The following GPC6 variants were observed in gnomAD, a reference collection of about 807,000 sequenced individuals.
The protein encoded by GPC6 is glypican-6.
In GPC6, 14 loss-of-function variants were observed where a neutral mutation model predicts 55.2. The observed-to-expected ratio is 0.25, with a 90% CI of 0.17 to 0.40. The LOEUF (loss-of-function observed/expected upper bound fraction) is 0.40, where lower values mean the gene tolerates loss of function less well. GPC6 is among the 10% of genes least tolerant of loss of function. The pLI is 1.00. For missense variants in GPC6, 641 were observed against 708.5 expected, an observed-to-expected ratio of 0.90 and a Z score of 1.08; for synonymous variants, 278 against 259.6, an observed-to-expected ratio of 1.07 and a Z score of -0.68.
intron 3 of GPC6, among the ~76,000 whole-genome samples, chr13:93,839,899 A>G (rs977861111): frequency 4.6e-5 from 7 of 152,126 alleles, no homozygotes; most frequent in Admixed American, 4.6e-4. Flanking sequence ...TAGCATCTAT[A>G]TTCATCGAGG....
At chr13:93,596,940 A>G (rs1877773829) in intron 2 of GPC6, among the ~76,000 whole-genome samples, 2 of 139,894 alleles carry the variant, frequency 1.4e-5, no homozygotes, top group Admixed American at 1.5e-4. Flanking sequence ...AGCTGATGGT[A>G]TGGTTCCAAA....
chr13:94,378,648 A>AT (rs887344548), intron 6 of GPC6, among the ~76,000 whole-genome samples: 4 of 152,190 alleles, frequency 2.6e-5, no homozygotes, highest in African/African-American at 9.6e-5. Context: ...AAGAGGGCTC[A>AT]TGTTTTTCCT....
chr13:93,458,066 T>C (rs1317940861), intron 1 of GPC6, among the ~76,000 whole-genome samples: 1 of 152,192 alleles, frequency 6.6e-6, no homozygotes, highest in East Asian at 1.9e-4. Context: ...GGATATACTA[T>C]GGCAATTCCC....
intron 3 of GPC6, among the ~76,000 whole-genome samples, chr13:93,852,773 C>A (rs1888449935): frequency 6.6e-6 from 1 of 151,608 alleles, no homozygotes; most frequent in Non-Finnish European, 1.5e-5. Flanking sequence ...AAAATTACAT[C>A]TCTTCTCTGT....
At chr13:93,479,779 A>G (rs111471129) in intron 1 of GPC6, among the ~76,000 whole-genome samples, 1 of 152,222 alleles carries the variant, frequency 6.6e-6, no homozygotes, top group African/African-American at 2.4e-5. Context: ...GGGGATCATT[A>G]TAAGAGAGAG....
chr13:93,533,352 C>A (rs1370370320), intron 1 of GPC6, among the ~76,000 whole-genome samples: 1 of 152,206 alleles, frequency 6.6e-6, no homozygotes, highest in Non-Finnish European at 1.5e-5. Flanking sequence ...AAGTATTTCA[C>A]TTCCCTCCAC....
intron 2 of GPC6, among the ~76,000 whole-genome samples, chr13:93,798,918 C>CAAAAAAAAAAA (rs57665046): frequency 1.2e-5 from 1 of 86,246 alleles, no homozygotes. Context: ...GACTCTGTCT[C>CAAAAAAAAAAA]AAAAAAAAAA....
intron 1 of GPC6, among the ~76,000 whole-genome samples, chr13:93,512,918 C>T (rs961474842): frequency 4.6e-5 from 7 of 151,982 alleles, no homozygotes; most frequent in Non-Finnish European, 1.0e-4. Flanking sequence ...ACTACTTTTT[C>T]TAAAGTATAT....
intron 1 of GPC6, among the ~76,000 whole-genome samples, chr13:93,456,655 T>G (rs1325326698): frequency 6.6e-6 from 1 of 152,100 alleles, no homozygotes; most frequent in Admixed American, 6.6e-5. Context: ...GTATGTCACC[T>G]GCCTGTCTCC....
rs567432305 is a variant in GPC6 at position 94,094,151 on chromosome 13, G to A, written c.877+66257G>A. Among the ~76,000 whole-genome samples the A allele has an allele frequency of 3.9e-5, 6 of 151,966 alleles. No individual in the cohort carries two copies. The East Asian group carries it at 1.2e-3, about 29-fold the overall frequency. ...CTGGATTTAGTCACAGAGATTGAGG[G>A]TGTTACTTTATTATGTCTAAAAAAA... On this transcript the variant is annotated intron_variant, in intron 4 of 8. Transcript: ENST00000377047.
intron 2 of GPC6, among the ~76,000 whole-genome samples, chr13:93,614,728 C>T (rs1878644255): frequency 6.6e-6 from 1 of 151,758 alleles, no homozygotes; most frequent in African/African-American, 2.4e-5. Flanking sequence ...GGAAAGGGTG[C>T]TATAGAAGAT....
chr13:93,662,993 C>A lies in GPC6; in HGVS notation c.319+117572C>A, dbSNP rs1017001253. Among the ~76,000 whole-genome samples the A allele has an allele frequency of 2.0e-5, 3 of 150,430 alleles. No individual in the cohort carries two copies. In the South Asian group the frequency reaches 6.3e-4, roughly 32 times the overall value. ...TGATTCTAATATACAGCCAGGATTG[C>A]GAATCACTGTGATAGAAAAATGACA... On this transcript the variant is annotated intron_variant, in intron 2 of 8. Transcript: ENST00000377047.
At chr13:93,374,234 G>A (rs1874791490) in intron 1 of GPC6, among the ~76,000 whole-genome samples, 1 of 152,176 alleles carries the variant, frequency 6.6e-6, no homozygotes, top group Non-Finnish European at 1.5e-5. Context: ...AAAGACTTTA[G>A]AAAACACCCA....
chr13:93,953,812 T>G (rs1879372719), intron 3 of GPC6, among the ~76,000 whole-genome samples: 2 of 152,204 alleles, frequency 1.3e-5, no homozygotes, highest in Middle Eastern at 3.2e-3. Context: ...TTGAGTCATA[T>G]TCTGTATTGA....
intron 6 of GPC6, among the ~76,000 whole-genome samples, chr13:94,332,182 C>G (rs1180496596): frequency 6.6e-6 from 1 of 152,096 alleles, no homozygotes. Context: ...TTCTTTTGGG[C>G]CCCTTTTCTC....
chr13:93,896,760 C>G (rs952515151), intron 3 of GPC6, among the ~76,000 whole-genome samples: 1 of 152,008 alleles, frequency 6.6e-6, no homozygotes, highest in African/African-American at 2.4e-5. Context: ...GCATCAGGTT[C>G]ATTTCATGTG....
chr13:93,393,127 T>TATAGAG lies in GPC6; in HGVS notation c.161-152135_161-152134insTAGAGA, dbSNP rs1230857277. ...TATTTGATATATATATATATATATA[T>TATAGAG]AGAGAGAGAGAGAGAGAGAGAGAGA... On this transcript the variant is annotated intron_variant, in intron 1 of 8. Coordinates refer to ENST00000377047, the MANE Select transcript of GPC6 (RefSeq NM_005708.5). 8.5e-3 allele frequency among the ~76,000 whole-genome samples: 742 copies of TATAGAG among 87,576 alleles called. 2 individuals are homozygous for TATAGAG. The highest frequency in any genetic ancestry group is 0.017 in the East Asian group (51 of 3,024). 57.5% of individuals were successfully genotyped at this position (87,576 alleles called of 152,430 possible).
Position 93,323,940 on chromosome 13 carries a change from G to A in GPC6, c.160+96324G>A, listed in dbSNP as rs141206828. Among the ~76,000 whole-genome samples the A allele has an allele frequency of 8.2e-3, 1,245 of 152,206 alleles. 14 individuals carry two copies. Among genetic ancestry groups the A allele is most frequent in the Admixed American group, 0.012 (189 of 15,282 alleles). ...TATGCTCCAGCAGTCCCACTGCTGG[G>A]TATATACCCAGAGGAAAGGAAACCA... On this transcript the variant is annotated intron_variant, in intron 1 of 8. Transcript: ENST00000377047.
At chr13:93,506,047 GT>G (rs1342303084) in intron 1 of GPC6, among the ~76,000 whole-genome samples, 1 of 152,116 alleles carries the variant, frequency 6.6e-6, no homozygotes, top group Non-Finnish European at 1.5e-5. Flanking sequence ...TGCTGCCGAG[GT>G]TATGTCCTGT....
Sources: gnomAD v4.1 joint callset for allele counts (sites outside exome capture counted in the v4.1 genomes callset) on GRCh38, gnomAD v4.1.1 for gene constraint, MANE v1.5 for transcripts, NCBI Gene and HGNC (gene_info 2026-07-23, HGNC 2026-07-21) for gene names.